NPSR1: variants seen among roughly 807,000 people sequenced by gnomAD.
NPSR1 encodes the protein neuropeptide S receptor 1.
Under a neutral mutation model 46.9 loss-of-function variants are expected in NPSR1, and 48 were observed. The observed-to-expected ratio is 1.02, with a 90% confidence interval of 0.81 to 1.30. The LOEUF (loss-of-function observed/expected upper bound fraction) is 1.30, where lower values mean the gene tolerates loss of function less well. Among genes scored for constraint, NPSR1 ranks in the 50% most tolerant of loss-of-function variants. The probability of loss-of-function intolerance (pLI) is 0.00; values close to 1 mark genes in which losing one functional copy is unlikely to be tolerated. For synonymous variants in NPSR1, 176 were observed against 168.1 expected, an observed-to-expected ratio of 1.05 and a Z score of -0.36; for missense variants, 450 against 449.5, an observed-to-expected ratio of 1.00 and a Z score of -0.01.
chr7:34,863,614 C>T (rs1165054270), intron 8 of NPSR1, among the ~76,000 whole-genome samples: 1 of 151,788 alleles, frequency 6.6e-6, no homozygotes, highest in Non-Finnish European at 1.5e-5. Context: ...AGCTAACAAA[C>T]GTATGAAAAA....
At chr7:34,875,799 A>G (rs1791560713) in intron 8 of NPSR1, among the ~76,000 whole-genome samples, 8 of 152,040 alleles carry the variant, frequency 5.3e-5, no homozygotes, top group Admixed American at 5.3e-4. Context: ...ATGACCCTTT[A>G]TTAAAGGATT....
intron 4 of NPSR1, among the ~76,000 whole-genome samples, chr7:34,821,576 G>C (rs1392979461): frequency 6.6e-6 from 1 of 152,170 alleles, no homozygotes; most frequent in Non-Finnish European, 1.5e-5. Flanking sequence ...TTGCAGGAGG[G>C]AAGTCCCAGG....
chr7:34,823,417 C>CAAAAAAAAAAA (rs79081202), intron 4 of NPSR1, among the ~76,000 whole-genome samples: 1 of 103,954 alleles, frequency 9.6e-6, no homozygotes, highest in East Asian at 2.7e-4. Flanking sequence ...AAAAAAAAAA[C>CAAAAAAAAAAA]AACACCATAA....
chr7:34,792,832 C>T (rs1284717540), intron 3 of NPSR1, among the ~76,000 whole-genome samples: 4 of 146,790 alleles, frequency 2.7e-5, no homozygotes, highest in African/African-American at 7.5e-5. Flanking sequence ...TGCAGTGAGC[C>T]ATGACAGCAC....
At chr7:34,717,042 T>C (rs1348770267) in intron 2 of NPSR1, among the ~76,000 whole-genome samples, 1 of 152,246 alleles carries the variant, frequency 6.6e-6, no homozygotes, top group Non-Finnish European at 1.5e-5. Context: ...TTTACTCATT[T>C]ACTTTCTAAA....
intron 2 of NPSR1, among the ~76,000 whole-genome samples, chr7:34,749,008 G>T (rs1328488372): frequency 4.6e-5 from 7 of 152,120 alleles, no homozygotes. Flanking sequence ...AAGACCCTGA[G>T]CCCAGCCTTG....
intron 1 of NPSR1, among the ~76,000 whole-genome samples, chr7:34,680,933 G>C (rs1361341362): frequency 6.8e-6 from 1 of 146,536 alleles, no homozygotes; most frequent in Non-Finnish European, 1.5e-5. Flanking sequence ...TTCTGGTGTT[G>C]ATAAAGGTTT....
chr7:34,662,876 T>G (rs1791525547), intron 1 of NPSR1, among the ~76,000 whole-genome samples: 1 of 152,180 alleles, frequency 6.6e-6, no homozygotes, highest in Non-Finnish European at 1.5e-5. Flanking sequence ...CTTCCTCAGC[T>G]AAATTTCTCT....
intron 3 of NPSR1, among the ~76,000 whole-genome samples, chr7:34,783,255 A>G (rs1336468532): frequency 6.6e-6 from 1 of 152,052 alleles, no homozygotes; most frequent in African/African-American, 2.4e-5. Flanking sequence ...ACAGTTCTAC[A>G]GGGTTGGGGA....
intron 2 of NPSR1, among the ~76,000 whole-genome samples, chr7:34,725,850 T>C (rs324378): frequency 0.01 from 1,545 of 152,236 alleles, 29 homozygotes; most frequent in African/African-American, 0.035. Flanking sequence ...CGGGTGGAGA[T>C]AATTAAATCA....
rs530932550 is a variant in NPSR1, at chr7:34,712,981, G to A, written c.280+28297G>A. ...AGTTTCATTAAAATCTAAATGGGGG[G>A]AAAAGTCCTCTACATTATCTAGGAG... On this transcript the variant is annotated intron_variant, in intron 2 of 8. Coordinates refer to ENST00000360581, the MANE Select transcript of NPSR1 (RefSeq NM_207172.2). Among the ~76,000 whole-genome samples, 7 of 152,274 alleles carry A rather than the reference G, an allele frequency of 4.6e-5. No homozygotes were observed. The East Asian group carries it at 1.4e-3, about 29-fold the overall frequency.
At chr7:34,777,244 C>T (rs545590768) in intron 2 of NPSR1, among the ~76,000 whole-genome samples, 1 of 152,258 alleles carries the variant, frequency 6.6e-6, no homozygotes, top group Non-Finnish European at 1.5e-5. Context: ...TGTGGGAACT[C>T]AAGTTCTGAC....
At chr7:34,776,366 A>G (rs1786959031) in intron 2 of NPSR1, among the ~76,000 whole-genome samples, 1 of 152,142 alleles carries the variant, frequency 6.6e-6, no homozygotes, top group Non-Finnish European at 1.5e-5. Flanking sequence ...TTTAATTTAT[A>G]TGTCTGGGTG....
At chr7:34,824,262 TA>T (rs1789720221) in intron 4 of NPSR1, among the ~76,000 whole-genome samples, 1 of 152,144 alleles carries the variant, frequency 6.6e-6, no homozygotes, top group South Asian at 2.1e-4. Context: ...TACGATTTTA[TA>T]AAAAGGTAAA....
At chr7:34,759,469 C>A (rs1185222784) in intron 2 of NPSR1, among the ~76,000 whole-genome samples, 1 of 152,060 alleles carries the variant, frequency 6.6e-6, no homozygotes, top group East Asian at 1.9e-4. Flanking sequence ...TCAGCAAGAG[C>A]CCTACAATTT....
intron 2 of NPSR1, among the ~76,000 whole-genome samples, chr7:34,708,233 T>C (rs1794206341): frequency 2.0e-5 from 3 of 152,190 alleles, no homozygotes; most frequent in African/African-American, 7.2e-5. Flanking sequence ...AGAGATAAAA[T>C]GTGATTTCTG....
intron 8 of NPSR1, among the ~76,000 whole-genome samples, chr7:34,870,449 C>A (rs1257379655): frequency 6.6e-6 from 1 of 151,588 alleles, no homozygotes; most frequent in Non-Finnish European, 1.5e-5. Context: ...TTGAATGAGC[C>A]CAAATTGTGG....
chr7:34,739,378 A>G (rs1784829387), intron 2 of NPSR1, among the ~76,000 whole-genome samples: 1 of 152,204 alleles, frequency 6.6e-6, no homozygotes, highest in Non-Finnish European at 1.5e-5. Context: ...GAGTTCTAAC[A>G]TCTCTACATC....
At position 34,658,738 on chromosome 7, in the gene NPSR1, A is replaced by C. The variant is rs75062151; in HGVS notation, c.147+179A>C. Among the ~76,000 whole-genome samples, 950 of 152,338 alleles carry C rather than the reference A, an allele frequency of 6.2e-3. 9 individuals are homozygous for C. Among genetic ancestry groups the C allele is most frequent in the Middle Eastern group, 0.01 (3 of 294 alleles). On this transcript the variant is annotated intron_variant, in intron 1 of 8. Transcript: ENST00000360581. Reference sequence around the variant, plus strand: ...CAAGCTGTAGTGTGCAGAGACCTAGATTGTAGTTTCTTAGGAATACAGGTG... The same window carrying C: ...CAAGCTGTAGTGTGCAGAGACCTAGCTTGTAGTTTCTTAGGAATACAGGTG...
Sources: gnomAD v4.1 joint callset for allele counts (sites outside exome capture counted in the v4.1 genomes callset) on GRCh38, gnomAD v4.1.1 for gene constraint, MANE v1.5 for transcripts, NCBI Gene and HGNC (gene_info 2026-07-23, HGNC 2026-07-21) for gene names.